The following CDH18 variants were observed in gnomAD, a reference collection of about 807,000 sequenced individuals.
The protein encoded by CDH18 is cadherin 18.
In CDH18, 31 loss-of-function variants were observed where a neutral mutation model predicts 67.9. The ratio of observed to expected loss-of-function variants is 0.46; its 90% CI spans 0.34 to 0.62. The LOEUF is 0.62. Among genes scored for constraint, CDH18 ranks in the 20% least tolerant of loss-of-function variants. The pLI is 0.01. For synonymous variants in CDH18, 362 were observed against 347.2 expected, an observed-to-expected ratio of 1.04 and a Z score of -0.48; for missense variants, 890 against 975.5, an observed-to-expected ratio of 0.91 and a Z score of 1.17.
At chr5:20,449,296 T>A (rs1750249056) in intron 1 of CDH18, among the ~76,000 whole-genome samples, 1 of 152,122 alleles carries the variant, frequency 6.6e-6, no homozygotes, top group Admixed American at 6.6e-5. Context: ...GTTAACTTTT[T>A]CCTTAGAAAT....
At chr5:19,570,982 T>C (rs748143355) in intron 8 of CDH18, among the ~76,000 whole-genome samples, 52 of 152,220 alleles carry the variant, frequency 3.4e-4, no homozygotes, top group Non-Finnish European at 7.5e-4. Flanking sequence ...CCACGCTGAT[T>C]TTCCTGTATT....
At chr5:20,443,547 C>T (rs1561007426) in intron 1 of CDH18, among the ~76,000 whole-genome samples, 1 of 151,806 alleles carries the variant, frequency 6.6e-6, no homozygotes, top group Non-Finnish European at 1.5e-5. Flanking sequence ...ACGCCAGATA[C>T]CTATCCCGTA....
intron 1 of CDH18, among the ~76,000 whole-genome samples, chr5:20,337,578 C>T (rs1168788719): frequency 6.6e-6 from 1 of 152,216 alleles, no homozygotes; most frequent in African/African-American, 2.4e-5. Flanking sequence ...AATTCCTCAT[C>T]TCCATCTGAG....
intron 1 of CDH18, among the ~76,000 whole-genome samples, chr5:20,431,925 T>C (rs1040158096): frequency 6.6e-6 from 1 of 152,208 alleles, no homozygotes; most frequent in Non-Finnish European, 1.5e-5. Flanking sequence ...TCTTACAAAC[T>C]GCCCCGTGAC....
intron 2 of CDH18, among the ~76,000 whole-genome samples, chr5:20,205,111 A>G (rs984050747): frequency 6.6e-6 from 1 of 151,952 alleles, no homozygotes; most frequent in Non-Finnish European, 1.5e-5. Context: ...AAACACATAG[A>G]GTGGCTAAAT....
At chr5:19,686,537 T>G (rs1437907476) in intron 5 of CDH18, among the ~76,000 whole-genome samples, 1 of 152,176 alleles carries the variant, frequency 6.6e-6, no homozygotes, top group Non-Finnish European at 1.5e-5. Context: ...TGCCTATTTA[T>G]GTGCGCGCAC....
chr5:19,781,572 T>C (rs1390537718), intron 3 of CDH18, among the ~76,000 whole-genome samples: 1 of 152,118 alleles, frequency 6.6e-6, no homozygotes, highest in Non-Finnish European at 1.5e-5. Context: ...TTGTGGGGGT[T>C]TTTTTATTAT....
chr5:20,312,528 C>T (rs1050802267), intron 1 of CDH18, among the ~76,000 whole-genome samples: 8 of 152,216 alleles, frequency 5.3e-5, no homozygotes, highest in African/African-American at 9.6e-5. Context: ...TTCCTACAGA[C>T]GCCATGCAGC....
intron 1 of CDH18, among the ~76,000 whole-genome samples, chr5:20,572,830 T>C (rs1353092938): frequency 6.6e-6 from 1 of 152,110 alleles, no homozygotes; most frequent in East Asian, 1.9e-4. Flanking sequence ...AATGGAGAGT[T>C]GAATAAAAGG....
intron 1 of CDH18, among the ~76,000 whole-genome samples, chr5:20,398,472 A>G (rs774397685): frequency 2.0e-5 from 3 of 152,178 alleles, no homozygotes; most frequent in Non-Finnish European, 4.4e-5. Flanking sequence ...AGGAGCAGAG[A>G]ACATAACCAA....
At chr5:19,682,854 A>C (rs1760534125) in intron 5 of CDH18, among the ~76,000 whole-genome samples, 1 of 152,066 alleles carries the variant, frequency 6.6e-6, no homozygotes, top group African/African-American at 2.4e-5. Flanking sequence ...CAGCTAACTA[A>C]ATTGATAAAT....
At chr5:20,356,747 C>CTATATATATATA (rs1345155159) in intron 1 of CDH18, among the ~76,000 whole-genome samples, 5 of 133,788 alleles carry the variant, frequency 3.7e-5, no homozygotes, top group African/African-American at 1.3e-4. Flanking sequence ...CTCTCTCTCT[C>CTATATATATATA]TCTCTCTATA....
At chr5:19,689,176 T>TA (rs1484226402) in intron 5 of CDH18, among the ~76,000 whole-genome samples, 4 of 152,078 alleles carry the variant, frequency 2.6e-5, no homozygotes, top group Admixed American at 2.0e-4. Context: ...GTAGTAAACT[T>TA]AGAGATTCTC....
intron 1 of CDH18, among the ~76,000 whole-genome samples, chr5:20,486,252 G>A (rs1753169249): frequency 1.3e-5 from 2 of 152,086 alleles, no homozygotes; most frequent in South Asian, 4.1e-4. Context: ...AAAAGAGTAA[G>A]CGATATCTAA....
chr5:20,099,652 G>T (rs1425450040), intron 2 of CDH18, among the ~76,000 whole-genome samples: 1 of 152,018 alleles, frequency 6.6e-6, no homozygotes, highest in African/African-American at 2.4e-5. Context: ...ATTTTTAACT[G>T]AAAGAATAAT....
chr5:19,933,219 G>A (rs947008249), intron 2 of CDH18, among the ~76,000 whole-genome samples: 1 of 151,378 alleles, frequency 6.6e-6, no homozygotes, highest in African/African-American at 2.4e-5. Context: ...ATTTTTATAA[G>A]CTTGCTCTAC....
chr5:19,906,520 T>C (rs1183785356), intron 2 of CDH18, among the ~76,000 whole-genome samples: 1 of 152,016 alleles, frequency 6.6e-6, no homozygotes, highest in Non-Finnish European at 1.5e-5. Context: ...GAAGATGTTC[T>C]ACACCTTGAT....
intron 5 of CDH18, among the ~76,000 whole-genome samples, chr5:19,682,167 T>C (rs1029890070): frequency 7.2e-5 from 11 of 152,220 alleles, no homozygotes; most frequent in Middle Eastern, 6.8e-3. Flanking sequence ...ACCATATTTC[T>C]TCTTTGACAG....
chr5:20,064,413 T>A (rs960639779), intron 2 of CDH18, among the ~76,000 whole-genome samples: 4 of 152,192 alleles, frequency 2.6e-5, no homozygotes, highest in African/African-American at 9.6e-5. Context: ...TGTTTCTTGC[T>A]CTTAATCAGG....
Sources: allele counts gnomAD v4.1 joint callset (sites outside exome capture counted in the v4.1 genomes callset), GRCh38; gene constraint gnomAD v4.1.1; transcripts MANE v1.5; gene names NCBI Gene and HGNC (gene_info 2026-07-23, HGNC 2026-07-21).